The following RNF144A variants were observed in gnomAD, a reference collection of about 807,000 sequenced individuals.
The protein encoded by RNF144A is ring finger protein 144A.
In RNF144A, 11 loss-of-function variants were observed where a neutral mutation model predicts 38.7. The observed-to-expected ratio is 0.28, with a 90% confidence interval of 0.18 to 0.47. The LOEUF is 0.47. RNF144A is among the 20% of genes least tolerant of loss of function. The pLI, the probability that RNF144A is intolerant of heterozygous loss-of-function variation, is 0.99. For synonymous variants in RNF144A, 149 were observed against 143.9 expected (o/e 1.04, Z -0.25); for missense variants, 316 against 377.2 (o/e 0.84, Z 1.34).
chr2:7,036,061 G>A (rs1672658051), intron 8 of RNF144A, among the ~76,000 whole-genome samples: 1 of 152,222 alleles, frequency 6.6e-6, no homozygotes. Flanking sequence ...GCTGGAGTGA[G>A]TGTGGGTGCT....
intron 3 of RNF144A, among the ~76,000 whole-genome samples, chr2:7,009,873 G>C (rs1308534530): frequency 6.6e-6 from 1 of 152,268 alleles, no homozygotes; most frequent in African/African-American, 2.4e-5. Context: ...CCTCCTGCTG[G>C]GGCTCAGAGG....
intron 7 of RNF144A, among the ~76,000 whole-genome samples, chr2:7,025,227 C>T (rs1269109887): frequency 6.6e-6 from 1 of 152,266 alleles, no homozygotes; most frequent in Non-Finnish European, 1.5e-5. Flanking sequence ...CCCAGGCCCA[C>T]ACGTCTCTGG....
At chr2:6,963,516 G>A (rs1667471934) in intron 2 of RNF144A, among the ~76,000 whole-genome samples, 2 of 152,070 alleles carry the variant, frequency 1.3e-5, no homozygotes, top group South Asian at 2.1e-4. Flanking sequence ...GAATGAATCT[G>A]TGTAATTGGA....
chr2:6,965,108 C>T (rs1308844129), intron 2 of RNF144A, among the ~76,000 whole-genome samples: 1 of 152,096 alleles, frequency 6.6e-6, no homozygotes, highest in African/African-American at 2.4e-5. Flanking sequence ...TGGAATTGTC[C>T]ACAAACAGGT....
At chr2:6,935,033 C>T (rs985334587) in intron 1 of RNF144A, among the ~76,000 whole-genome samples, 7 of 151,944 alleles carry the variant, frequency 4.6e-5, no homozygotes, top group African/African-American at 1.7e-4. Flanking sequence ...CAGGCCATTG[C>T]ACCTTCTTCC....
chr2:6,992,311 C>G (rs1158364235), intron 2 of RNF144A, among the ~76,000 whole-genome samples: 1 of 152,202 alleles, frequency 6.6e-6, no homozygotes. Flanking sequence ...GGAGCCCAAC[C>G]AGTTACATTC....
intron 2 of RNF144A, among the ~76,000 whole-genome samples, chr2:6,951,052 G>A (rs560278843): frequency 9.2e-5 from 14 of 151,934 alleles, no homozygotes; most frequent in Non-Finnish European, 1.3e-4. Context: ...TATAATTAGG[G>A]CCTTATATTT....
intron 2 of RNF144A, among the ~76,000 whole-genome samples, chr2:6,967,065 C>G (rs1250670284): frequency 2.6e-5 from 4 of 152,074 alleles, no homozygotes; most frequent in Non-Finnish European, 5.9e-5. Context: ...TTGTCTCCTC[C>G]CCACATACCA....
intron 5 of RNF144A, among the ~76,000 whole-genome samples, chr2:7,017,079 G>T (rs190794975): frequency 6.6e-6 from 1 of 152,244 alleles, no homozygotes; most frequent in Admixed American, 6.5e-5. Flanking sequence ...TGAGCGAGGG[G>T]GTGTGGATGC....
At chr2:7,047,343 T>G (rs898102472), downstream of RNF144A, among the ~76,000 whole-genome samples, 1 of 152,172 alleles carries the variant, frequency 6.6e-6, no homozygotes, top group Non-Finnish European at 1.5e-5. Context: ...TGCTGCTGAT[T>G]AAGACATCTG....
At chr2:7,062,497 T>TAAAAAAA (rs70942688) in intron 6 of RNF144A, among the ~76,000 whole-genome samples, 3 of 113,450 alleles carry the variant, frequency 2.6e-5, no homozygotes, top group South Asian at 2.9e-4. Flanking sequence ...TGCTGGGTGC[T>TAAAAAAA]AAAAAAAAAA....
At chr2:6,986,436 C>T (rs1396150783) in intron 2 of RNF144A, among the ~76,000 whole-genome samples, 2 of 152,104 alleles carry the variant, frequency 1.3e-5, no homozygotes, top group Non-Finnish European at 2.9e-5. Flanking sequence ...AGCCATTGTG[C>T]CGGGCCTGCC....
chr2:6,932,405 T>C (rs905211233), intron 1 of RNF144A, among the ~76,000 whole-genome samples: 1 of 152,230 alleles, frequency 6.6e-6, no homozygotes. Context: ...TTTAGACCAT[T>C]CACAATTACA....
At chr2:6,998,908 G>A (rs1237201172) in intron 3 of RNF144A, among the ~76,000 whole-genome samples, 1 of 152,004 alleles carries the variant, frequency 6.6e-6, no homozygotes, top group Non-Finnish European at 1.5e-5. Flanking sequence ...GTGGGGGCGG[G>A]GGGCATTTGC....
intron 2 of RNF144A, among the ~76,000 whole-genome samples, chr2:6,963,875 G>A (rs1667490349): frequency 6.6e-6 from 1 of 152,170 alleles, no homozygotes; most frequent in South Asian, 2.1e-4. Context: ...GCCCAGGAGT[G>A]GCTTTGCATT....
chr2:7,029,864 A>G (rs1375502919), intron 7 of RNF144A, among the ~76,000 whole-genome samples: 2 of 152,192 alleles, frequency 1.3e-5, no homozygotes, highest in African/African-American at 4.8e-5. Context: ...CTGGGCCTGA[A>G]GTCTGGTCCA....
intron 1 of RNF144A, among the ~76,000 whole-genome samples, chr2:6,920,906 G>A (rs1361423757): frequency 1.3e-5 from 2 of 152,192 alleles, no homozygotes; most frequent in Non-Finnish European, 2.9e-5. Context: ...CTGGGCCAGC[G>A]TCTTAACCTC....
At chr2:6,993,445 A>G (rs529392541) in intron 2 of RNF144A, among the ~76,000 whole-genome samples, 10 of 152,292 alleles carry the variant, frequency 6.6e-5, no homozygotes, top group African/African-American at 2.4e-4. Context: ...GAGGCAGTAA[A>G]CAGGAAAAGG....
intron 6 of RNF144A, among the ~76,000 whole-genome samples, chr2:7,063,862 T>TA (rs1353813493): frequency 1.3e-5 from 2 of 152,256 alleles, no homozygotes; most frequent in Admixed American, 1.3e-4. Flanking sequence ...TATGCCTTAG[T>TA]CCATTTTCTG....
Sources: gnomAD v4.1 joint callset for allele counts (sites outside exome capture counted in the v4.1 genomes callset) on GRCh38, gnomAD v4.1.1 for gene constraint, MANE v1.5 for transcripts, NCBI Gene and HGNC (gene_info 2026-07-23, HGNC 2026-07-21) for gene names.